SYT7: variants seen among roughly 807,000 people sequenced by gnomAD.
SYT7 encodes synaptotagmin-7.
In SYT7, 29 loss-of-function variants were observed where a neutral mutation model predicts 75.1. The ratio of observed to expected loss-of-function variants is 0.39; its 90% CI spans 0.29 to 0.53. The LOEUF is 0.53. SYT7 is among the 20% of genes least tolerant of loss of function. The probability of loss-of-function intolerance (pLI) is 0.77; values close to 1 mark genes in which losing one functional copy is unlikely to be tolerated. For synonymous variants in SYT7, 376 were observed against 401.7 expected (o/e 0.94, Z 0.76); for missense variants, 693 against 953.2 (o/e 0.73, Z 3.59).
At chr11:61,520,761 T>G (rs1308987042) in intron 12 of SYT7, among the ~76,000 whole-genome samples, 1 of 152,146 alleles carries the variant, frequency 6.6e-6, no homozygotes, top group Non-Finnish European at 1.5e-5. Context: ...AGGCAGAGGT[T>G]GCAGTGAGCC....
At chr11:61,531,015 T>C in intron 8 of SYT7, 1 of 985,462 alleles carries the variant, frequency 1.0e-6, no homozygotes, top group South Asian at 4.7e-5. Context: ...CTCAGACACC[T>C]CTGCCCCTCA....
chr11:61,519,194 T>C (rs1023048563), intron 12 of SYT7, among the ~76,000 whole-genome samples: 5 of 152,348 alleles, frequency 3.3e-5, no homozygotes, highest in African/African-American at 1.2e-4. Flanking sequence ...ATTATCTCCA[T>C]TTTTCAGATG....
intron 6 of SYT7, among the ~76,000 whole-genome samples, chr11:61,538,512 C>G (rs536050416): frequency 1.8e-3 from 281 of 152,160 alleles, no homozygotes; most frequent in African/African-American, 6.5e-3. Context: ...AGAGTGGAGG[C>G]AGGGAGGGAG....
intron 7 of SYT7, among the ~76,000 whole-genome samples, chr11:61,533,980 T>C (rs1017830366): frequency 1.3e-5 from 2 of 151,406 alleles, no homozygotes; most frequent in Non-Finnish European, 2.9e-5. Context: ...CCTGACTCCA[T>C]GCCGTTCCCA....
intron 2 of SYT7, among the ~76,000 whole-genome samples, chr11:61,552,688 G>C (rs1438502023): frequency 6.6e-6 from 1 of 152,148 alleles, no homozygotes; most frequent in Non-Finnish European, 1.5e-5. Flanking sequence ...CACCTATCTA[G>C]GGAGACCAGC....
intron 2 of SYT7, among the ~76,000 whole-genome samples, chr11:61,552,854 C>T (rs565413910): frequency 7.4e-4 from 113 of 152,330 alleles, no homozygotes; most frequent in African/African-American, 2.5e-3. Flanking sequence ...CCATATGAAC[C>T]CCTAGAAGGA....
chr11:61,518,291 G>T lies in SYT7; in HGVS notation c.*336C>A, dbSNP rs894481154. ...AGGTGCTGCCTTAAAGAAAATGGGGGACCATGCCCACCTGGCGGGCCTCTG... is the reference window on the plus strand; with the variant it reads ...AGGTGCTGCCTTAAAGAAAATGGGGTACCATGCCCACCTGGCGGGCCTCTG... On this transcript the variant is annotated 3_prime_UTR_variant, in exon 13 of 13. Coordinates refer to ENST00000539008, the MANE Select transcript of SYT7 (RefSeq NM_001365809.2). The T allele has an allele frequency of 8.8e-5, 20 of 226,732 alleles. No individual in the cohort carries two copies. The highest frequency in any genetic ancestry group is 1.7e-4 in the Non-Finnish European group (20 of 116,414). The allele number at this position is 226,732 out of a possible 1,614,324, so 14.0% of individuals were successfully genotyped here. A position where few individuals can be genotyped will look rare whatever the true frequency, so the allele number is the denominator to read the frequency against.
intron 9 of SYT7, among the ~76,000 whole-genome samples, chr11:61,527,178 G>C (rs1427510567): frequency 6.6e-6 from 1 of 152,166 alleles, no homozygotes; most frequent in Non-Finnish European, 1.5e-5. Flanking sequence ...CGGCCTCCAG[G>C]CATGGTTCAG....
At chr11:61,586,468 G>A in the SYT7 span, among the ~76,000 whole-genome samples, 3,690 of 152,234 alleles carry the variant, frequency 0.024, 138 homozygotes, top group African/African-American at 0.082. Flanking sequence ...TGAGTGACCC[G>A]GGGTCAGCCC....
the SYT7 span, among the ~76,000 whole-genome samples, chr11:61,588,034 G>C: frequency 4.9e-4 from 74 of 152,316 alleles, 1 homozygote; most frequent in Non-Finnish European, 8.4e-4. Flanking sequence ...CCTATCCCTC[G>C]CAGGTGGAAG....
rs1375033315 is a variant in SYT7 at position 61,542,450 on chromosome 11, G to T, written c.702C>A (p.His234Gln). The T allele has an allele frequency of 6.5e-7, 1 of 1,532,986 alleles. No homozygotes were observed. The highest frequency in any genetic ancestry group is 1.2e-5 in the South Asian group (1 of 83,908). The allele number at this position is 1,532,986 out of a possible 1,614,324, so 95.0% of individuals were successfully genotyped here. A position where few individuals can be genotyped will look rare whatever the true frequency, so the allele number is the denominator to read the frequency against. Reference sequence around the variant, plus strand: ...GCTGGCTGGGCTGCCGGCCCCGCTGGTGCTGGCTCAGCGGCTGTTGCAGGC... The same window carrying T: ...GCTGGCTGGGCTGCCGGCCCCGCTGTTGCTGGCTCAGCGGCTGTTGCAGGC... ...QQSLQQPLSQ[H>Q]QRGRQPSQPT... The change falls in exon 6 of 13, where the codon CAC becomes CAA. Residue 234 changes from histidine (H) to glutamine (Q), a missense_variant. By Grantham distance (24) the His-to-Gln change is conservative. This residue lies in a region of SYT7 where 487 missense variants were observed against 593.2 expected (regional missense o/e 0.82). Transcript: ENST00000539008. The surrounding 1 kb of genome is among the most constrained non-coding windows in gnomAD (Gnocchi z 7.8).
chr11:61,543,133 T>C (rs1471370035), intron 5 of SYT7, among the ~76,000 whole-genome samples: 1 of 152,214 alleles, frequency 6.6e-6, no homozygotes, highest in Non-Finnish European at 1.5e-5. Context: ...TCTTATACTT[T>C]GTCCACAGAG....
intron 7 of SYT7, among the ~76,000 whole-genome samples, chr11:61,533,983 C>T (rs1042195529): frequency 6.6e-6 from 1 of 152,030 alleles, no homozygotes; most frequent in African/African-American, 2.4e-5. Context: ...GACTCCATGC[C>T]GTTCCCAGGA....
intron 2 of SYT7, among the ~76,000 whole-genome samples, chr11:61,552,554 ACAGT>A (rs1369123918): frequency 6.6e-6 from 1 of 152,162 alleles, no homozygotes; most frequent in Non-Finnish European, 1.5e-5. Flanking sequence ...CACAGCCACA[ACAGT>A]CAATTATTCC....
rs745378316 is a variant in SYT7 at position 61,533,124 on chromosome 11, C to T, written c.1065G>A (p.Arg355=). Residue 355 remains arginine (R), a splice_region_variant and synonymous_variant, in exon 8 of 13, where the codon AGG becomes AGA. Transcript: ENST00000539008. The stretch of plus-strand genomic sequence containing the variant: ...TCACCGCCTTCCCTCCTGCAGGCAA[C>T]CTGAGGGCAGGGGAGTCCAAATGAG... ...QQNQNAQGDK[R]LPAGGKAVNT... 1.3e-6 allele frequency: 2 copies of T among 1,592,920 alleles called. No homozygotes were observed. Among genetic ancestry groups the T allele is most frequent in the South Asian group, 2.2e-5 (2 of 88,920 alleles).
chr11:61,554,829 C>T (rs544230760), intron 2 of SYT7, among the ~76,000 whole-genome samples: 12 of 152,346 alleles, frequency 7.9e-5, no homozygotes, highest in Non-Finnish European at 1.8e-4. Flanking sequence ...CATGCACACA[C>T]TTGCACACAT....
intron 1 of SYT7, among the ~76,000 whole-genome samples, 159 bp from the exon 2 acceptor site, chr11:61,556,366 C>T (rs1411375657): frequency 1.3e-5 from 2 of 152,230 alleles, no homozygotes; most frequent in African/African-American, 4.8e-5. Context: ...GCTGGATGAA[C>T]TTGGGTAGTT....
At chr11:61,585,469 G>A (rs141480200), upstream of SYT7, among the ~76,000 whole-genome samples, 4 of 152,262 alleles carry the variant, frequency 2.6e-5, no homozygotes, top group South Asian at 2.1e-4. Context: ...GGTGGTGACC[G>A]GCCAGGAGTG....
intron 3 of SYT7, among the ~76,000 whole-genome samples, chr11:61,549,345 A>G (rs1314411975): frequency 6.6e-6 from 1 of 152,230 alleles, no homozygotes; most frequent in East Asian, 1.9e-4. Context: ...CAGAGCCTTT[A>G]ACGTGCCCAT....
Sources: gnomAD v4.1 joint callset for allele counts (sites outside exome capture counted in the v4.1 genomes callset) on GRCh38, gnomAD v4.1.1 for gene constraint, gnomAD v4.1.1 regional missense constraint, Gnocchi (gnomAD v3.1) non-coding constraint, MANE v1.5 for transcripts, NCBI Gene and HGNC (gene_info 2026-07-23, HGNC 2026-07-21) for gene names.